GPR63: variants seen among roughly 807,000 people sequenced by gnomAD.
GPR63 encodes probable G protein-coupled receptor 63.
GPR63 carries 12 observed loss-of-function variants against 23.1 expected under a neutral mutation model. That is an observed-to-expected ratio of 0.52 (90% CI 0.33 to 0.84). The LOEUF (loss-of-function observed/expected upper bound fraction) is 0.84, where lower values mean the gene tolerates loss of function less well. Ranked by LOEUF, GPR63 falls within the 40% of genes least tolerant of loss-of-function variation. GPR63 has a pLI of 0.02. For synonymous variants in GPR63, 172 were observed against 191.1 expected (o/e 0.90, Z 0.82); for missense variants, 472 against 515.6 (o/e 0.92, Z 0.82).
rs992817621 is a variant in GPR63, at chr6:96,837,318, G to A, written c.-201C>T. The A allele has an allele frequency of 6.6e-6, 1 of 152,414 alleles. No individual in the cohort carries two copies. Among genetic ancestry groups the A allele is most frequent in the African/African-American group, 2.4e-5 (1 of 41,470 alleles). The allele number at this position is 152,414 out of a possible 1,614,324, so 9.4% of individuals were successfully genotyped here. A position where few individuals can be genotyped will look rare whatever the true frequency, so the allele number is the denominator to read the frequency against. ...GCCCGCGGAAGAGCCCAGGGAGCAT[G>A]GCTCCATGTAGTCCCTCCCGGAACT... is the stretch of plus-strand genomic sequence containing the variant. On this transcript the variant is annotated 5_prime_UTR_variant, in exon 1 of 2. Transcript: ENST00000229955.
chr6:96,824,203 A>G (rs1774380005), intron 1 of GPR63, among the ~76,000 whole-genome samples: 1 of 152,114 alleles, frequency 6.6e-6, no homozygotes, highest in Non-Finnish European at 1.5e-5. Flanking sequence ...AAGAAAATAA[A>G]TAAAGACCAA....
chr6:96,798,272 C>T lies in GPR63; in HGVS notation c.*200G>A, dbSNP rs1773644264. ...CCCTAAATTGAGGATTTCTATTGAA[C>T]CCTGGAGGTAATATTTGTAATCACT... On this transcript the variant is annotated 3_prime_UTR_variant, in exon 2 of 2. Coordinates refer to ENST00000229955, the MANE Select transcript of GPR63 (RefSeq NM_030784.4). 5.3e-6 allele frequency: 3 copies of T among 569,958 alleles called. No individual in the cohort carries two copies. The highest frequency in any genetic ancestry group is 1.9e-5 in the African/African-American group (1 of 53,642). 35.3% of individuals were successfully genotyped at this position (569,958 alleles called of 1,614,324 possible). A position where few individuals can be genotyped will look rare whatever the true frequency, so the allele number is the denominator to read the frequency against.
chr6:96,811,594 CTCTCA>C (rs1289008303), intron 1 of GPR63, among the ~76,000 whole-genome samples: 2 of 152,076 alleles, frequency 1.3e-5, no homozygotes. Context: ...CCTATCTTTC[CTCTCA>C]TCTAAGAAAG....
intron 1 of GPR63, among the ~76,000 whole-genome samples, chr6:96,824,231 T>C (rs1774380606): frequency 6.6e-6 from 1 of 151,990 alleles, no homozygotes; most frequent in African/African-American, 2.4e-5. Flanking sequence ...TGTCTTTCAC[T>C]ATAATAGATA....
intron 1 of GPR63, among the ~76,000 whole-genome samples, chr6:96,828,951 C>A (rs1462298805): frequency 1.3e-5 from 2 of 152,058 alleles, no homozygotes; most frequent in Non-Finnish European, 2.9e-5. Context: ...GTTAATTTCC[C>A]ACAAAAATAT....
intron 1 of GPR63, among the ~76,000 whole-genome samples, chr6:96,829,214 A>G (rs1163815878): frequency 6.6e-6 from 1 of 152,218 alleles, no homozygotes; most frequent in African/African-American, 2.4e-5. Flanking sequence ...TGGAACACTT[A>G]TTTGTAGAGA....
chr6:96,810,173 A>G (rs776941962), intron 1 of GPR63, among the ~76,000 whole-genome samples: 23 of 152,324 alleles, frequency 1.5e-4, no homozygotes, highest in South Asian at 1.0e-3. Context: ...GAAAAACTCA[A>G]CATCTTTTTA....
chr6:96,831,874 C>A (rs951827799), intron 1 of GPR63, among the ~76,000 whole-genome samples: 3 of 151,792 alleles, frequency 2.0e-5, no homozygotes, highest in African/African-American at 7.3e-5. Context: ...CCACTGCATT[C>A]CAGCCTGGGC....
chr6:96,804,713 T>G (rs760272695), intron 1 of GPR63, among the ~76,000 whole-genome samples: 1 of 152,152 alleles, frequency 6.6e-6, no homozygotes, highest in Non-Finnish European at 1.5e-5. Flanking sequence ...AAATTACTTT[T>G]TGGTTTATCA....
chr6:96,798,975 T>C lies in GPR63; in HGVS notation c.757A>G (p.Ile253Val), dbSNP rs747740294. 2.8e-5 allele frequency: 45 copies of C among 1,613,902 alleles called. No homozygotes were observed. In the East Asian group the frequency reaches 5.8e-4, roughly 21 times the overall value. The change falls in exon 2 of 2, where the codon ATA becomes GTA. Residue 253 changes from isoleucine to valine, a missense_variant. Transcript: ENST00000229955. ...GAGTACAGTATTACCAGGAAGGGTATGAAGAAAGAAATGAGAGAAATCAAA... is the reference window on the plus strand; with the variant it reads ...GAGTACAGTATTACCAGGAAGGGTACGAAGAAAGAAATGAGAGAAATCAAA... Reference protein sequence around the residue: ...VILISLISFFIPFLVILYSFM... With the variant: ...VILISLISFFVPFLVILYSFM...
rs1394695298 is a variant in GPR63 at position 96,798,966 on chromosome 6, G to A, written c.766C>T (p.Leu256=). ...CCCATAAATGAGTACAGTATTACCA[G>A]GAAGGGTATGAAGAAAGAAATGAGA... ...ISLISFFIPF[L]VILYSFMGIL... is the part of the protein sequence containing the mutation. Residue 256 remains leucine (L), a synonymous_variant, in exon 2 of 2, where the codon CTG becomes TTG. Coordinates refer to ENST00000229955, the MANE Select transcript of GPR63 (RefSeq NM_030784.4). 1 of 1,614,126 alleles carries A rather than the reference G, an allele frequency of 6.2e-7. No individual in the cohort carries two copies.
chr6:96,810,206 T>A (rs1434273223), intron 1 of GPR63, among the ~76,000 whole-genome samples: 1 of 151,960 alleles, frequency 6.6e-6, no homozygotes, highest in African/African-American at 2.4e-5. Context: ...AAGATAACAG[T>A]TAAATAAACT....
At chr6:96,815,451 G>T in intron 1 of GPR63, among the ~76,000 whole-genome samples, 1 of 140,324 alleles carries the variant, frequency 7.1e-6, no homozygotes, top group South Asian at 2.4e-4. Context: ...GTTCTTCAGT[G>T]GTTATAAAGT....
Position 96,796,714 on chromosome 6 carries a change from A to G in GPR63, c.*1758T>C, listed in dbSNP as rs1773587598. 6.6e-6 allele frequency: 1 copy of G among 152,238 alleles called. No homozygotes were observed. Among genetic ancestry groups the G allele is most frequent in the African/African-American group, 2.4e-5 (1 of 41,462 alleles). 9.4% of individuals were successfully genotyped at this position (152,238 alleles called of 1,614,324 possible). A position where few individuals can be genotyped will look rare whatever the true frequency, so the allele number is the denominator to read the frequency against. On this transcript the variant is annotated 3_prime_UTR_variant, in exon 2 of 2. Transcript: ENST00000229955. ...CTAGGGCAAGCATTGGGGCAACAAT[A>G]CTATTCTGCCCAGAACACTTACAAC...
In GPR63 at chr6:96,799,537, A is replaced by AC; in HGVS notation, c.194_195insG (p.Val66CysfsTer9). 1 of 1,614,212 alleles carries AC rather than the reference A, an allele frequency of 6.2e-7. No homozygotes were observed. The highest frequency in any genetic ancestry group is 8.5e-7 in the Non-Finnish European group (1 of 1,180,022). The stretch of plus-strand genomic sequence containing the variant: ...TAAATGCTGCTGGTGTTGTGGGCAC[A>AC]GCTGTACTATTCACGGTCAAGGAAC... On this transcript the variant is annotated frameshift_variant, in exon 2 of 2. Coordinates refer to ENST00000229955, the MANE Select transcript of GPR63 (RefSeq NM_030784.4). LOFTEE classifies it high-confidence loss of function.
At chr6:96,821,949 GA>G (rs977885106) in intron 1 of GPR63, among the ~76,000 whole-genome samples, 10 of 151,678 alleles carry the variant, frequency 6.6e-5, no homozygotes, top group Non-Finnish European at 1.3e-4. Flanking sequence ...GGATATAATA[GA>G]AATTTCATAG....
intron 1 of GPR63, among the ~76,000 whole-genome samples, chr6:96,821,843 G>A (rs973830811): frequency 1.3e-5 from 2 of 152,028 alleles, no homozygotes; most frequent in African/African-American, 4.8e-5. Flanking sequence ...ATCTGAGATG[G>A]TTCAAGCATA....
At position 96,837,352 on chromosome 6, in the gene GPR63, A is replaced by T. The variant is rs1314196163; in HGVS notation, c.-235T>A. The T allele has an allele frequency of 1.3e-5, 2 of 152,434 alleles. No homozygotes were observed. The highest frequency in any genetic ancestry group is 2.9e-5 in the Non-Finnish European group (2 of 68,164). 9.4% of individuals were successfully genotyped at this position (152,434 alleles called of 1,614,324 possible). On this transcript the variant is annotated 5_prime_UTR_variant, in exon 1 of 2. The change abolishes an upstream ATG in the 5' untranslated region. Coordinates refer to ENST00000229955, the MANE Select transcript of GPR63 (RefSeq NM_030784.4). ...TAGTCCCTCCCGGAACTTTCCTGAC[A>T]TAGCACTTCTCTCCTCCGCTGCAGA...
At chr6:96,825,731 T>G (rs976179394) in intron 1 of GPR63, among the ~76,000 whole-genome samples, 1 of 151,996 alleles carries the variant, frequency 6.6e-6, no homozygotes, top group Non-Finnish European at 1.5e-5. Context: ...GAAGCTTAAT[T>G]TTAGTCCATA....
Sources: allele counts gnomAD v4.1 joint callset (sites outside exome capture counted in the v4.1 genomes callset), GRCh38; gene constraint gnomAD v4.1.1; transcripts MANE v1.5; gene names NCBI Gene and HGNC (gene_info 2026-07-23, HGNC 2026-07-21).